Variants in PARP4 observed in about 807,000 individuals in gnomAD.
PARP4 encodes the protein protein mono-ADP-ribosyltransferase PARP4.
Under a neutral mutation model 187.7 loss-of-function variants are expected in PARP4, and 120 were observed. The observed-to-expected ratio is 0.64, with a 90% CI of 0.55 to 0.74. The LOEUF (loss-of-function observed/expected upper bound fraction) is 0.74, where lower values mean the gene tolerates loss of function less well. PARP4 is among the 30% of genes least tolerant of loss of function. The probability of loss-of-function intolerance (pLI) is 0.00; values close to 1 mark genes in which losing one functional copy is unlikely to be tolerated. For missense variants in PARP4, 1,836 were observed against 2,070.5 expected (o/e 0.89, Z 2.20); for synonymous variants, 654 against 740.9 (o/e 0.88, Z 1.90).
In PARP4 at chr13:24,423,592, CAAAAT is replaced by C. The variant is rs557446240; in HGVS notation, c.4980-2283_4980-2279del. ...AAAGAAAACTCCCAAAATAGAAAAACAAAATAAATTCTCATCTTTCTTGGCAAACT... is the reference window on the plus strand; with the variant it reads ...AAAGAAAACTCCCAAAATAGAAAAACAAATTCTCATCTTTCTTGGCAAACT... On this transcript the variant is annotated intron_variant, in intron 33 of 33. Coordinates refer to ENST00000381989, the MANE Select transcript of PARP4 (RefSeq NM_006437.4). Among the ~76,000 whole-genome samples, 175 of 151,932 alleles carry C rather than the reference CAAAAT, an allele frequency of 1.2e-3. 3 individuals are homozygous for C. The East Asian group carries it at 0.018, about 16-fold the overall frequency.
intron 30 of PARP4, among the ~76,000 whole-genome samples, chr13:24,435,927 AAAAAAAAAAGAAAG>A (rs1434707984): frequency 3.7e-4 from 27 of 73,514 alleles, no homozygotes; most frequent in African/African-American, 8.8e-4. Context: ...AAAAAAAAAA[AAAAAAAAAAGAAAG>A]AAAGAAAATA....
At chr13:24,499,025 G>A (rs969955850) in intron 5 of PARP4, among the ~76,000 whole-genome samples, 3 of 152,162 alleles carry the variant, frequency 2.0e-5, no homozygotes, top group Non-Finnish European at 2.9e-5. Flanking sequence ...AGGTCTGGGT[G>A]CAGTGGCTCA....
At chr13:24,468,465 C>T (rs1168869809) in intron 17 of PARP4, among the ~76,000 whole-genome samples, 6 of 143,286 alleles carry the variant, frequency 4.2e-5, no homozygotes, top group Admixed American at 7.4e-5. Flanking sequence ...AGTGCAATGG[C>T]ACAATTTTGG....
At chr13:24,424,194 T>C (rs1408729559) in intron 33 of PARP4, among the ~76,000 whole-genome samples, 3 of 152,206 alleles carry the variant, frequency 2.0e-5, no homozygotes, top group Admixed American at 6.5e-5. Flanking sequence ...AAAATAATTA[T>C]CAATATTTCT....
chr13:24,434,092 C>G (rs1870478471), intron 31 of PARP4, among the ~76,000 whole-genome samples: 1 of 152,208 alleles, frequency 6.6e-6, no homozygotes, highest in Non-Finnish European at 1.5e-5. Flanking sequence ...CTCACCCCAT[C>G]ATCTGTTCAG....
At chr13:24,504,176 A>G (rs1387169028) in intron 1 of PARP4, among the ~76,000 whole-genome samples, 1 of 152,188 alleles carries the variant, frequency 6.6e-6, no homozygotes, top group East Asian at 1.9e-4. Flanking sequence ...TGCATTCAAA[A>G]AGACTCTTTA....
chr13:24,440,792 G>A (rs1448563043), intron 30 of PARP4, among the ~76,000 whole-genome samples: 1 of 152,138 alleles, frequency 6.6e-6, no homozygotes, highest in Non-Finnish European at 1.5e-5. Context: ...TTGCCAACCT[G>A]ACAGAGTTAA....
intron 10 of PARP4, among the ~76,000 whole-genome samples, chr13:24,487,578 A>G (rs928669937): frequency 7.2e-5 from 11 of 152,296 alleles, no homozygotes; most frequent in Admixed American, 6.5e-4. Context: ...GGGATGAGGG[A>G]CAGAGAGACC....
chr13:24,492,507 C>T lies in PARP4; in HGVS notation c.967G>A (p.Glu323Lys), dbSNP rs1225637256. 2 of 1,614,042 alleles carry T rather than the reference C, an allele frequency of 1.2e-6. No homozygotes were observed. The highest frequency in any genetic ancestry group is 2.2e-5 in the South Asian group (2 of 91,078). Residue 323 changes from glutamate to lysine, a missense_variant, in exon 9 of 34, where the codon GAG becomes AAG. Physicochemically the swap from Glu to Lys is moderately conservative, Grantham distance 56. Around this residue, in one of 8 missense-constraint regions of PARP4, gnomAD observed 1,147 missense variants for 1,214.2 expected, o/e 0.94. Coordinates refer to ENST00000381989, the MANE Select transcript of PARP4 (RefSeq NM_006437.4). ...TAEQLQKMMTEFYRLIPHKGT... is the reference protein window; with the variant it reads ...TAEQLQKMMTKFYRLIPHKGT... ...TTGTGAGGTATCAGTCTGTAAAACT[C>T]TGTCATCATCTTTTGCAATTGCTCT...
chr13:24,506,195 C>T (rs1869651908), intron 1 of PARP4, among the ~76,000 whole-genome samples: 1 of 152,216 alleles, frequency 6.6e-6, no homozygotes, highest in Admixed American at 6.5e-5. Flanking sequence ...CAGACCCTCG[C>T]AGTGAGCGTT....
intron 32 of PARP4, among the ~76,000 whole-genome samples, chr13:24,427,952 C>G (rs1203841070): frequency 6.6e-6 from 1 of 151,920 alleles, no homozygotes; most frequent in East Asian, 1.9e-4. Context: ...AAATAATAAA[C>G]TGATGAAATA....
chr13:24,426,202 C>T (rs1870040608), intron 33 of PARP4, among the ~76,000 whole-genome samples: 1 of 152,126 alleles, frequency 6.6e-6, no homozygotes, highest in South Asian at 2.1e-4. Flanking sequence ...TGAAGAGTAC[C>T]ACATCCAGAG....
intron 20 of PARP4, 139 bp from the exon 21 acceptor site, chr13:24,456,617 A>G (rs578177488): frequency 1.4e-5 from 10 of 708,028 alleles, no homozygotes; most frequent in African/African-American, 1.3e-4. Flanking sequence ...GGTAAATTCC[A>G]AAATAATGAA....
In PARP4 at chr13:24,434,561, T is replaced by C. The variant is rs766307025; in HGVS notation, c.4580A>G (p.Glu1527Gly). ...GCTGTCTTGAAGTACTTCTGATAGC[T>C]CATCACTTTCTGTGTCAGAACTTTG... ...AFQSSDTESD[E>G]LSEVLQDSCF... The change falls in exon 31 of 34, where the codon GAG becomes GGG. Residue 1527 changes from glutamate to glycine, a missense_variant. By Grantham distance (98) the Glu-to-Gly change is moderately conservative (BLOSUM62 -2). Around this residue, in one of 8 missense-constraint regions of PARP4, gnomAD observed 450 missense variants for 439.2 expected, o/e 1.02. Transcript: ENST00000381989. 1 of 1,613,402 alleles carries C rather than the reference T, an allele frequency of 6.2e-7. No homozygotes were observed. Among genetic ancestry groups the C allele is most frequent in the South Asian group, 1.1e-5 (1 of 91,050 alleles).
At position 24,478,168 on chromosome 13, in the gene PARP4, G is replaced by A. The variant is rs1436317867; in HGVS notation, c.1557C>T (p.Ser519=). 3.1e-6 allele frequency: 5 copies of A among 1,613,790 alleles called. No individual in the cohort carries two copies. The African/African-American group carries it at 6.7e-5, about 22-fold the overall frequency. Residue 519 remains serine (S), a synonymous_variant, in exon 13 of 34, where the codon TCC becomes TCT. Transcript: ENST00000381989. The stretch of plus-strand genomic sequence containing the variant: ...CGTAGCCTGGTGGTGCTTCAGTTAA[G>A]GAAAAGTCCTTCTCATGTAAGTCCA... ...KCMDLHEKDF[S]LTEAPPGYDS...
At chr13:24,457,770 C>CAAAAAAAAAAAAAAAAAA (rs33930012) in intron 20 of PARP4, among the ~76,000 whole-genome samples, 4 of 85,654 alleles carry the variant, frequency 4.7e-5, no homozygotes, top group Non-Finnish European at 6.6e-5. Context: ...GACTCTGTCT[C>CAAAAAAAAAAAAAAAAAA]AAAAAAAAAA....
chr13:24,483,511 T>G (rs1009538460), intron 12 of PARP4, among the ~76,000 whole-genome samples: 4 of 128,302 alleles, frequency 3.1e-5, no homozygotes, highest in Non-Finnish European at 5.0e-5. Flanking sequence ...AAAAAAAAAG[T>G]TTTTTTTAGA....
At chr13:24,471,243 G>C (rs951747166) in intron 15 of PARP4, among the ~76,000 whole-genome samples, 1 of 152,154 alleles carries the variant, frequency 6.6e-6, no homozygotes, top group Non-Finnish European at 1.5e-5. Context: ...TTGATGATCA[G>C]GATCACTATC....
intron 1 of PARP4, among the ~76,000 whole-genome samples, chr13:24,505,695 A>G (rs1593659914): frequency 6.6e-6 from 1 of 152,176 alleles, no homozygotes; most frequent in Admixed American, 6.5e-5. Context: ...CGCCCGGCTA[A>G]TATTTTTCAT....
Sources: gnomAD v4.1 joint callset for allele counts (sites outside exome capture counted in the v4.1 genomes callset) on GRCh38, gnomAD v4.1.1 for gene constraint, gnomAD v4.1.1 regional missense constraint, MANE v1.5 for transcripts, NCBI Gene and HGNC (gene_info 2026-07-23, HGNC 2026-07-21) for gene names.